USP37: variants seen among roughly 807,000 people sequenced by gnomAD.
USP37 encodes ubiquitin carboxyl-terminal hydrolase 37.
In USP37, 27 loss-of-function variants were observed where a neutral mutation model predicts 124.0. The observed-to-expected ratio is 0.22, with a 90% CI of 0.16 to 0.30. The LOEUF (loss-of-function observed/expected upper bound fraction) is 0.30. Among genes scored for constraint, USP37 ranks in the 10% least tolerant of loss-of-function variants. The probability of loss-of-function intolerance (pLI) is 1.00; values close to 1 mark genes in which losing one functional copy is unlikely to be tolerated. For synonymous variants in USP37, 365 were observed against 388.0 expected, an observed-to-expected ratio of 0.94 and a Z score of 0.70; for missense variants, 889 against 1,140.4, an observed-to-expected ratio of 0.78 and a Z score of 3.17.
chr2:218,519,619 C>T (rs1690484631), intron 10 of USP37, among the ~76,000 whole-genome samples: 2 of 151,986 alleles, frequency 1.3e-5, no homozygotes, highest in African/African-American at 4.8e-5. Context: ...ACACTCCTAT[C>T]AGTTTTTTCT....
At position 218,527,040 on chromosome 2, in the gene USP37, G is replaced by A. The variant is rs544841491; in HGVS notation, c.863+2916C>T. On this transcript the variant is annotated intron_variant, in intron 10 of 25. Transcript: ENST00000258399. ...CCCGACCTCGTGATCCACCCGCCTC[G>A]GCCTCCCAAAGTGCTGGGACCACAG... Among the ~76,000 whole-genome samples, 53 of 151,960 alleles carry A rather than the reference G, an allele frequency of 3.5e-4. 1 individual carries two copies. The South Asian group carries it at 0.011, about 30-fold the overall frequency.
chr2:218,564,496 T>C (rs1442165629), intron 1 of USP37, among the ~76,000 whole-genome samples: 1 of 152,246 alleles, frequency 6.6e-6, no homozygotes, highest in East Asian at 1.9e-4. Context: ...CAATGAATTA[T>C]GGCAACCCCT....
chr2:218,462,110 T>C (rs1257644130), intron 22 of USP37, among the ~76,000 whole-genome samples: 1 of 152,078 alleles, frequency 6.6e-6, no homozygotes, highest in African/African-American at 2.4e-5. Flanking sequence ...TGAGCCAAGA[T>C]TGTGCCATTG....
intron 23 of USP37, among the ~76,000 whole-genome samples, chr2:218,457,707 T>C (rs832810): frequency 0.47 from 70,672 of 151,856 alleles, 19,626 homozygotes; most frequent in East Asian, 0.78. Context: ...AAAGCAAAAC[T>C]GAAAAAGTGA....
At chr2:218,466,998 T>C (rs2106411874) in intron 20 of USP37, among the ~76,000 whole-genome samples, 1 of 152,314 alleles carries the variant, frequency 6.6e-6, no homozygotes, top group Admixed American at 6.5e-5. Flanking sequence ...CCCAAAATGC[T>C]GAGATTACAG....
In USP37 at chr2:218,485,635, CAAAAAAAAAAA is replaced by C. The variant is rs60749670; in HGVS notation, c.1670+18_1670+28del. 15 of 1,298,570 alleles carry C rather than the reference CAAAAAAAAAAA, an allele frequency of 1.2e-5. No homozygotes were observed. Among genetic ancestry groups the C allele is most frequent in the African/African-American group, 3.8e-5 (2 of 52,366 alleles). 80.4% of individuals were successfully genotyped at this position (1,298,570 alleles called of 1,614,324 possible). On this transcript the variant is annotated intron_variant, in intron 16 of 25. Transcript: ENST00000258399. ...TACCTGGGAATTCTTTAGTCCATAG[CAAAAAAAAAAA>C]AAAAAAAAAAAAATTACCTAGGAAG...
At chr2:218,477,574 G>A (rs1691045918) in intron 18 of USP37, among the ~76,000 whole-genome samples, 1 of 152,170 alleles carries the variant, frequency 6.6e-6, no homozygotes, top group South Asian at 2.1e-4. Context: ...ATCAAGAAAT[G>A]AGAGCTAAGA....
Position 218,451,374 on chromosome 2 carries a change from C to T in USP37, c.*3556G>A, listed in dbSNP as rs1415877063. 4 of 152,108 alleles carry T rather than the reference C, an allele frequency of 2.6e-5. No individual in the cohort carries two copies. Among genetic ancestry groups the T allele is most frequent in the East Asian group, 1.9e-4 (1 of 5,204 alleles). The allele number at this position is 152,108 out of a possible 1,614,324, so 9.4% of individuals were successfully genotyped here. A position where few individuals can be genotyped will look rare whatever the true frequency, so the allele number is the denominator to read the frequency against. On this transcript the variant is annotated 3_prime_UTR_variant, in exon 26 of 26. Transcript: ENST00000258399. ...CCCTGTTTAAAACAAAAGACCACCT[C>T]GGGGGGTCAATTAAATTAAAAAGGC... is the stretch of plus-strand genomic sequence containing the variant.
intron 22 of USP37, 102 bp downstream of exon 22, chr2:218,463,204 A>T: frequency 2.7e-6 from 2 of 747,166 alleles, no homozygotes; most frequent in African/African-American, 1.9e-5. Flanking sequence ...ACACACACAC[A>T]CACACACACA....
chr2:218,501,731 T>C (rs988578823), intron 11 of USP37, among the ~76,000 whole-genome samples: 6 of 152,294 alleles, frequency 3.9e-5, no homozygotes, highest in East Asian at 1.9e-4. Flanking sequence ...GTTGCTGAGA[T>C]TTCTGGGACA....
chr2:218,480,918 C>T (rs1470194637), intron 17 of USP37, among the ~76,000 whole-genome samples: 1 of 152,172 alleles, frequency 6.6e-6, no homozygotes, highest in Non-Finnish European at 1.5e-5. Flanking sequence ...TATTAGTAGA[C>T]CCTTGAGACA....
chr2:218,465,214 A>G (rs762139560), intron 21 of USP37, among the ~76,000 whole-genome samples: 6 of 152,226 alleles, frequency 3.9e-5, no homozygotes, highest in Admixed American at 6.5e-5. Flanking sequence ...CAAAACAAAT[A>G]CATTGCCTTA....
chr2:218,529,097 A>C (rs145243046), intron 10 of USP37, among the ~76,000 whole-genome samples: 2 of 152,300 alleles, frequency 1.3e-5, no homozygotes, highest in East Asian at 3.9e-4. Flanking sequence ...GTCGCAATCT[A>C]TGGCATCACT....
intron 9 of USP37, among the ~76,000 whole-genome samples, chr2:218,533,072 T>C (rs1691423722): frequency 6.6e-6 from 1 of 152,156 alleles, no homozygotes; most frequent in Admixed American, 6.5e-5. Context: ...GCTATTAGCT[T>C]TATTTATGTG....
intron 16 of USP37, 151 bp downstream of exon 16, chr2:218,485,513 T>C (rs1262527066): frequency 2.2e-6 from 2 of 918,926 alleles, no homozygotes; most frequent in African/African-American, 1.7e-5. Flanking sequence ...ACATTTCAGC[T>C]TTCCTGACCC....
At chr2:218,508,578 AC>A (rs1460158009) in intron 11 of USP37, among the ~76,000 whole-genome samples, 2 of 152,186 alleles carry the variant, frequency 1.3e-5, no homozygotes, top group African/African-American at 2.4e-5. Context: ...AGAGACACAG[AC>A]CCAGATGAAG....
At chr2:218,480,788 G>T (rs1691233433) in intron 17 of USP37, among the ~76,000 whole-genome samples, 1 of 152,178 alleles carries the variant, frequency 6.6e-6, no homozygotes, top group Admixed American at 6.5e-5. Context: ...GTGTGACATA[G>T]TACTACTGCC....
intron 8 of USP37, among the ~76,000 whole-genome samples, chr2:218,535,477 C>A (rs986318617): frequency 6.6e-6 from 1 of 150,934 alleles, no homozygotes; most frequent in Non-Finnish European, 1.5e-5. Context: ...CTTGGGAGGG[C>A]GAGGCGGGCG....
At chr2:218,490,385 T>C (rs1387793412) in intron 14 of USP37, among the ~76,000 whole-genome samples, 1 of 152,208 alleles carries the variant, frequency 6.6e-6, no homozygotes, top group African/African-American at 2.4e-5. Flanking sequence ...CATATGTGGA[T>C]ACTTCTATTA....
Sources: allele counts gnomAD v4.1 joint callset (sites outside exome capture counted in the v4.1 genomes callset), GRCh38; gene constraint gnomAD v4.1.1; transcripts MANE v1.5; gene names NCBI Gene and HGNC (gene_info 2026-07-23, HGNC 2026-07-21).